Variants in EIF2D observed in about 807,000 individuals in gnomAD.
The protein encoded by EIF2D is hepatocellular carcinoma-associated antigen 56.
A neutral mutation model predicts 77.4 loss-of-function variants in EIF2D; 56 were observed. That is an observed-to-expected ratio of 0.72 (90% CI 0.58 to 0.90). The LOEUF (loss-of-function observed/expected upper bound fraction) is 0.90. EIF2D is among the 40% of genes least tolerant of loss of function. The probability of loss-of-function intolerance (pLI) is 0.00; values close to 1 mark genes in which losing one functional copy is unlikely to be tolerated. For missense variants in EIF2D, 574 were observed against 706.5 expected, an observed-to-expected ratio of 0.81 and a Z score of 2.13; for synonymous variants, 230 against 271.0, an observed-to-expected ratio of 0.85 and a Z score of 1.49.
In EIF2D at chr1:206,592,574, G is replaced by A. The variant is rs554912911; in HGVS notation, c.1685-729C>T. On this transcript the variant is annotated intron_variant, in intron 14 of 14. Coordinates refer to ENST00000271764, the MANE Select transcript of EIF2D (RefSeq NM_006893.3). The surrounding 1 kb of genome is among the most constrained non-coding windows in gnomAD (Gnocchi z 4.7). ...CCAGGACAGCTGGTGCCTGCAACAT[G>A]GGTGTAGGAGCTGCCAGAGAGAGCC... Among the ~76,000 whole-genome samples, 1 of 152,342 alleles carries A rather than the reference G, an allele frequency of 6.6e-6. No homozygotes were observed. Among genetic ancestry groups the A allele is most frequent in the African/African-American group, 2.4e-5 (1 of 41,574 alleles).
chr1:206,593,807 G>C lies in EIF2D; in HGVS notation c.1510-14C>G, dbSNP rs782505576. ...GACCACGGTCACCTGGGGGGACAGT[G>C]GGGACAGAGACTGACGGTGGTGACT... On this transcript the variant is annotated splice_polypyrimidine_tract_variant and intron_variant, in intron 13 of 14. Transcript: ENST00000271764. 2.5e-5 allele frequency: 40 copies of C among 1,589,268 alleles called. No homozygotes were observed. The highest frequency in any genetic ancestry group is 2.0e-5 in the Non-Finnish European group (23 of 1,162,392).
intron 2 of EIF2D, chr1:206,586,486 T>G (rs1669115169): frequency 4.3e-6 from 1 of 229,934 alleles, no homozygotes; most frequent in Non-Finnish European, 8.6e-6. Context: ...CTCCACCTGC[T>G]TTCTGAGGGT....
At chr1:206,587,396 C>G (rs1407082805), downstream of EIF2D, 4 of 279,074 alleles carry the variant, frequency 1.4e-5, no homozygotes, top group Non-Finnish European at 2.8e-5. Context: ...CGTACAGGAC[C>G]ATTATTTATG....
chr1:206,588,496 T>G (rs979744200), downstream of EIF2D: 6 of 152,340 alleles, frequency 3.9e-5, no homozygotes, highest in Admixed American at 1.3e-4. Context: ...GGGCTGGTTT[T>G]CCAACCCAGC....
At chr1:206,605,229 C>A in intron 5 of EIF2D, 171 bp downstream of exon 5, 1 of 510,828 alleles carries the variant, frequency 2.0e-6, no homozygotes. Flanking sequence ...ATTACTTGTC[C>A]AAACAGGGGA....
At chr1:206,585,272 G>A in intron 2 of EIF2D, 1 of 1,614,156 alleles carries the variant, frequency 6.2e-7, no homozygotes. Context: ...TGTGCTAAAG[G>A]AGAATGAAAC....
In EIF2D at chr1:206,584,301, T is replaced by C; in HGVS notation, c.139-3139A>G. On this transcript the variant is annotated intron_variant and NMD_transcript_variant, in intron 2 of 5. Coordinates refer to the EIF2D transcript ENST00000472709. This position sits in a 1 kb window ranked among gnomAD's most constrained non-coding sequence, Gnocchi z 4.9. ...GAAAGAACTCAAGGAGACAGGTGGG[T>C]GCTGCTGGGGCAATGGCCCCGAGTG... 7.5e-7 allele frequency: 1 copy of C among 1,328,980 alleles called. No homozygotes were observed. The highest frequency in any genetic ancestry group is 1.0e-6 in the Non-Finnish European group (1 of 969,472). The allele number at this position is 1,328,980 out of a possible 1,614,324, so 82.3% of individuals were successfully genotyped here.
At chr1:206,581,639 G>T (rs1221149442) in intron 2 of EIF2D, among the ~76,000 whole-genome samples, 2 of 151,038 alleles carry the variant, frequency 1.3e-5, no homozygotes, top group Admixed American at 6.6e-5. Flanking sequence ...AGAGGGGGGA[G>T]AGAGAGAGAG....
rs1414337712 is a variant in EIF2D at position 206,584,522 on chromosome 1, A to C, written c.139-3360T>G. ...GGTGAACCTGGCGGCTACCACGGAC[A>C]AGCGGACATCCTTCTACCTGCCCCT... On this transcript the variant is annotated intron_variant and NMD_transcript_variant, in intron 2 of 5. Transcript: ENST00000472709. This position sits in a 1 kb window ranked among gnomAD's most constrained non-coding sequence, Gnocchi z 4.9. 1.1e-5 allele frequency: 18 copies of C among 1,614,130 alleles called. No individual in the cohort carries two copies. The highest frequency in any genetic ancestry group is 1.4e-5 in the Non-Finnish European group (17 of 1,180,008).
chr1:206,603,293 C>G lies in EIF2D; in HGVS notation c.531-89G>C, dbSNP rs538106660. On this transcript the variant is annotated intron_variant, in intron 5 of 14. Coordinates refer to ENST00000271764, the MANE Select transcript of EIF2D (RefSeq NM_006893.3). ...GAGGAGTCAGCAGTGAGGTCAGAGA[C>G]AGCAGAGAGCCAACAGGCAGGAGTG... is the stretch of plus-strand genomic sequence containing the variant. The G allele has an allele frequency of 6.0e-4, 910 of 1,526,904 alleles. 16 individuals are homozygous for G. The South Asian group carries it at 0.011, about 18-fold the overall frequency. 94.6% of individuals were successfully genotyped at this position (1,526,904 alleles called of 1,614,324 possible).
At chr1:206,597,055 G>T in intron 12 of EIF2D, 45 bp downstream of exon 12, 2 of 1,420,336 alleles carry the variant, frequency 1.4e-6, no homozygotes, top group Non-Finnish European at 2.0e-6. Context: ...CAACATTAAG[G>T]CGAGGGGATA....
intron 7 of EIF2D, 100 bp downstream of exon 7, chr1:206,602,236 C>T: frequency 1.2e-6 from 1 of 858,554 alleles, no homozygotes; most frequent in Admixed American, 1.9e-5. Flanking sequence ...ACAGCATGTC[C>T]CTCAACCAGT....
intron 4 of EIF2D, 36 bp downstream of exon 4, chr1:206,608,200 T>A (rs1553413058): frequency 3.2e-6 from 5 of 1,586,624 alleles, no homozygotes; most frequent in Non-Finnish European, 4.3e-6. Flanking sequence ...TTTACACAAG[T>A]TTTTCCCCCA....
chr1:206,604,187 A>G (rs1670067391), intron 5 of EIF2D, among the ~76,000 whole-genome samples: 1 of 152,220 alleles, frequency 6.6e-6, no homozygotes, highest in South Asian at 2.1e-4. Context: ...TCACGCCTGT[A>G]ATCTCAGCAC....
In EIF2D at chr1:206,592,231, T is replaced by C. The variant is rs1441674285; in HGVS notation, c.1685-386A>G. On this transcript the variant is annotated intron_variant, in intron 14 of 14. Coordinates refer to ENST00000271764, the MANE Select transcript of EIF2D (RefSeq NM_006893.3). The surrounding 1 kb of genome is among the most constrained non-coding windows in gnomAD (Gnocchi z 4.7). The stretch of plus-strand genomic sequence containing the variant: ...TACATTTGCCTAAATGAGCACTTAC[T>C]ATCCGCCAGGCCCTGAGGATGAAAA... Among the ~76,000 whole-genome samples the C allele has an allele frequency of 1.3e-5, 2 of 152,240 alleles. No homozygotes were observed. The highest frequency in any genetic ancestry group is 1.5e-5 in the Non-Finnish European group (1 of 68,036).
intron 6 of EIF2D, 77 bp downstream of exon 6, chr1:206,602,874 T>G: frequency 6.4e-7 from 1 of 1,558,422 alleles, no homozygotes; most frequent in Non-Finnish European, 8.7e-7. Flanking sequence ...GCCATTCTAG[T>G]CAGCAGTGGA....
chr1:206,603,970 G>C (rs17012537), intron 5 of EIF2D, among the ~76,000 whole-genome samples: 2,678 of 152,298 alleles, frequency 0.018, 50 homozygotes, highest in South Asian at 0.076. Context: ...GGTGCAGCGA[G>C]AGAACCAAAG....
chr1:206,602,041 C>T lies in EIF2D; in HGVS notation c.902+295G>A, dbSNP rs1572401553. The T allele has an allele frequency of 9.2e-6, 3 of 327,554 alleles. No homozygotes were observed. In the East Asian group the frequency reaches 1.8e-4, roughly 20 times the overall value. The allele number at this position is 327,554 out of a possible 1,614,324, so 20.3% of individuals were successfully genotyped here. Reference sequence around the variant, plus strand: ...ACACGCTGCCCGATTTGTGAGGTTGCCCAGAACCCCCACGGCAGAGGCAGT... The same window carrying T: ...ACACGCTGCCCGATTTGTGAGGTTGTCCAGAACCCCCACGGCAGAGGCAGT... On this transcript the variant is annotated intron_variant, in intron 7 of 14. Transcript: ENST00000271764.
In EIF2D at chr1:206,599,051, A is replaced by G; in HGVS notation, c.1244T>C (p.Val415Ala). The change falls in exon 11 of 15, where the codon GTC becomes GCC. Residue 415 changes from valine to alanine, a missense_variant. Val to Ala is a moderately conservative substitution (Grantham distance 64). Transcript: ENST00000271764. This position sits in a 1 kb window ranked among gnomAD's most constrained non-coding sequence, Gnocchi z 4.1. Reference sequence around the variant, plus strand: ...GTCATTTTTCTTGGCGTAGTTAATGACGATCGTTCGGACCTCACTGCCCTC... The same window carrying G: ...GTCATTTTTCTTGGCGTAGTTAATGGCGATCGTTCGGACCTCACTGCCCTC... ...FLEGSEVRTI[V>A]INYAKKNDLV... 2 of 1,614,162 alleles carry G rather than the reference A, an allele frequency of 1.2e-6. No homozygotes were observed. Among genetic ancestry groups the G allele is most frequent in the Non-Finnish European group, 1.7e-6 (2 of 1,180,020 alleles).
Sources: gnomAD v4.1 joint callset for allele counts (sites outside exome capture counted in the v4.1 genomes callset) on GRCh38, gnomAD v4.1.1 for gene constraint, Gnocchi (gnomAD v3.1) non-coding constraint, MANE v1.5 for transcripts, NCBI Gene and HGNC (gene_info 2026-07-23, HGNC 2026-07-21) for gene names.